MLPH: variants seen among roughly 807,000 people sequenced by gnomAD.
MLPH encodes exophilin-3.
MLPH carries 51 observed loss-of-function variants against 72.1 expected under a neutral mutation model. The observed-to-expected ratio is 0.71, with a 90% CI of 0.56 to 0.89. The LOEUF (loss-of-function observed/expected upper bound fraction) is 0.89. Ranked by LOEUF, MLPH falls within the 40% of genes least tolerant of loss-of-function variation. The pLI, the probability that MLPH is intolerant of heterozygous loss-of-function variation, is 0.00. For synonymous variants in MLPH, 301 were observed against 310.1 expected, an observed-to-expected ratio of 0.97 and a Z score of 0.31; for missense variants, 743 against 759.9, an observed-to-expected ratio of 0.98 and a Z score of 0.26.
rs577959709 is a variant in MLPH, at chr2:237,519,609, G to A, written c.556-301G>A. Among the ~76,000 whole-genome samples the A allele has an allele frequency of 5.9e-5, 9 of 152,242 alleles. 1 individual carries two copies. The South Asian group carries it at 6.2e-4, about 11-fold the overall frequency. ...GGAACAGCTTGCCTGCCCCCTAGGCGGGGTCCCTGGGGCAAGTGCAGGGGT... is the reference window on the plus strand; with the variant it reads ...GGAACAGCTTGCCTGCCCCCTAGGCAGGGTCCCTGGGGCAAGTGCAGGGGT... On this transcript the variant is annotated intron_variant, in intron 5 of 15. Transcript: ENST00000264605.
At chr2:237,517,503 A>T (rs1464694732) in intron 4 of MLPH, among the ~76,000 whole-genome samples, 3 of 148,894 alleles carry the variant, frequency 2.0e-5, no homozygotes, top group Non-Finnish European at 4.5e-5. Context: ...AGATGGATAG[A>T]TGTCTGAGTG....
chr2:237,499,742 C>T (rs2079607465), intron 2 of MLPH, among the ~76,000 whole-genome samples: 1 of 151,466 alleles, frequency 6.6e-6, no homozygotes. Flanking sequence ...TCCCATTTTA[C>T]TTTTTTTTTG....
chr2:237,510,459 C>CTG lies in MLPH; in HGVS notation c.111-105_111-104dup. The CTG allele has an allele frequency of 1.0e-6, 1 of 993,664 alleles. No individual in the cohort carries two copies. The highest frequency in any genetic ancestry group is 1.6e-6 in the Non-Finnish European group (1 of 640,062). The allele number at this position is 993,664 out of a possible 1,614,324, so 61.6% of individuals were successfully genotyped here. On this transcript the variant is annotated intron_variant, in intron 2 of 15. Transcript: ENST00000264605. This position sits in a 1 kb window ranked among gnomAD's most constrained non-coding sequence, Gnocchi z 4.4. The stretch of plus-strand genomic sequence containing the variant: ...CTGTTTTCTGCATAGGAGACAGTTA[C>CTG]TGTGTGTGTGTATGTGTCTGTGTCT...
chr2:237,501,768 G>C (rs1371343161), intron 2 of MLPH, among the ~76,000 whole-genome samples: 1 of 151,280 alleles, frequency 6.6e-6, no homozygotes, highest in Non-Finnish European at 1.5e-5. Flanking sequence ...AAAATTGCTT[G>C]AACCTGGGAG....
chr2:237,529,105 C>A (rs932985534), intron 8 of MLPH, among the ~76,000 whole-genome samples: 15 of 151,922 alleles, frequency 9.9e-5, no homozygotes, highest in African/African-American at 3.4e-4. Context: ...TTTAGTGGAG[C>A]AATCTCGGCT....
intron 8 of MLPH, among the ~76,000 whole-genome samples, chr2:237,533,221 G>C (rs112763472): frequency 3.3e-5 from 5 of 152,112 alleles, no homozygotes; most frequent in Admixed American, 2.0e-4. Flanking sequence ...GGGAGCTAGA[G>C]TTATCTTCAA....
chr2:237,502,644 G>A (rs181892342), intron 2 of MLPH, among the ~76,000 whole-genome samples: 10 of 152,224 alleles, frequency 6.6e-5, no homozygotes, highest in Admixed American at 3.9e-4. Context: ...AAGCCCAAAC[G>A]GAACACCCTG....
At chr2:237,522,964 CCTT>C (rs1344898287) in intron 6 of MLPH, among the ~76,000 whole-genome samples, 5 of 152,158 alleles carry the variant, frequency 3.3e-5, no homozygotes, top group Admixed American at 2.0e-4. Flanking sequence ...GAGTCCTACA[CCTT>C]CTCATCCAAT....
rs187307712 is a variant in MLPH at position 237,542,692 on chromosome 2, G to A, written c.1539+33G>A. 3.0e-4 allele frequency: 419 copies of A among 1,409,920 alleles called. 2 individuals carry two copies. The African/African-American group carries it at 4.1e-3, about 14-fold the overall frequency. The allele number at this position is 1,409,920 out of a possible 1,614,324, so 87.3% of individuals were successfully genotyped here. Reference sequence around the variant, plus strand: ...GGGGGCAGTGGTGAGTGGAGACAGTGCTGAGTGGGGGGGCAGTGGTGAGTG... The same window carrying A: ...GGGGGCAGTGGTGAGTGGAGACAGTACTGAGTGGGGGGGCAGTGGTGAGTG... On this transcript the variant is annotated intron_variant, in intron 12 of 15. Coordinates refer to ENST00000264605, the MANE Select transcript of MLPH (RefSeq NM_024101.7).
chr2:237,518,824 T>C (rs79240593), intron 5 of MLPH, among the ~76,000 whole-genome samples, 176 bp downstream of exon 5: 2,669 of 152,310 alleles, frequency 0.018, 50 homozygotes, highest in South Asian at 0.074. Flanking sequence ...TCTGAGATCA[T>C]TGGGCACCAG....
At chr2:237,525,909 T>A in intron 7 of MLPH, 104 bp downstream of exon 7, 1 of 1,124,914 alleles carries the variant, frequency 8.9e-7, no homozygotes, top group Non-Finnish European at 1.3e-6. Flanking sequence ...CGGGCTGATT[T>A]GAAAGGCCCC....
At chr2:237,527,254 T>C (rs1216874625) in intron 7 of MLPH, 123 bp from the exon 8 acceptor site, 13 of 1,241,706 alleles carry the variant, frequency 1.0e-5, no homozygotes, top group Non-Finnish European at 1.5e-5. Flanking sequence ...ACCTCAGCCC[T>C]GTAACATGAA....
At position 237,507,062 on chromosome 2, in the gene MLPH, C is replaced by CTTTTTTTTTTTTTTTT. The variant is rs61091364; in HGVS notation, c.111-3506_111-3491dup. 1.8e-3 allele frequency among the ~76,000 whole-genome samples: 172 copies of CTTTTTTTTTTTTTTTT among 94,514 alleles called. 9 individuals carry two copies. The Middle Eastern group carries it at 0.019, about 10-fold the overall frequency. 62.0% of individuals were successfully genotyped at this position (94,514 alleles called of 152,430 possible). On this transcript the variant is annotated intron_variant, in intron 2 of 15. Transcript: ENST00000264605. Reference sequence around the variant, plus strand: ...TTTTTTTCCTTTTTCTTTTTTTTTTCTTTTTTTTTTTTTTTTTTTTTGAGA... The same window carrying CTTTTTTTTTTTTTTTT: ...TTTTTTTCCTTTTTCTTTTTTTTTTCTTTTTTTTTTTTTTTTTTTTTTTTTTTTTTTTTTTTTGAGA...
At chr2:237,529,190 C>T (rs148907132) in intron 8 of MLPH, among the ~76,000 whole-genome samples, 1 of 151,776 alleles carries the variant, frequency 6.6e-6, no homozygotes, top group African/African-American at 2.4e-5. Flanking sequence ...TCACAGGCGC[C>T]CACCACCACG....
intron 9 of MLPH, among the ~76,000 whole-genome samples, chr2:237,538,360 G>A (rs369645971): frequency 3.9e-5 from 6 of 152,338 alleles, no homozygotes; most frequent in South Asian, 4.1e-4. Context: ...AGGGACAGAC[G>A]ACTGAGGTTT....
At position 237,487,434 on chromosome 2, in the gene MLPH, TC is replaced by T. The variant is rs576900759; in HGVS notation, c.-26del. ...GGGACTGAGCGTCCCCCGGAGAGGG[TC>T]CGGTGAGTGCACTGAGAAGAGGGAA... On this transcript the variant is annotated splice_region_variant and 5_prime_UTR_variant, in exon 1 of 16. Transcript: ENST00000264605. 1.3e-5 allele frequency: 2 copies of T among 152,622 alleles called. No homozygotes were observed. Among genetic ancestry groups the T allele is most frequent in the African/African-American group, 4.8e-5 (2 of 41,550 alleles). The allele number at this position is 152,622 out of a possible 1,614,324, so 9.5% of individuals were successfully genotyped here. A position where few individuals can be genotyped will look rare whatever the true frequency, so the allele number is the denominator to read the frequency against.
chr2:237,488,853 C>T (rs1474780807), intron 1 of MLPH, among the ~76,000 whole-genome samples: 2 of 152,174 alleles, frequency 1.3e-5, no homozygotes, highest in African/African-American at 4.8e-5. Flanking sequence ...GCAATAACGG[C>T]TCAAATAAGC....
intron 8 of MLPH, among the ~76,000 whole-genome samples, chr2:237,532,803 C>T (rs371325129): frequency 6.6e-6 from 1 of 152,188 alleles, no homozygotes; most frequent in Non-Finnish European, 1.5e-5. Context: ...TAGAAAAACC[C>T]GAAATCTTTT....
At chr2:237,534,138 A>G (rs1220038461) in intron 8 of MLPH, among the ~76,000 whole-genome samples, 1 of 152,216 alleles carries the variant, frequency 6.6e-6, no homozygotes, top group Non-Finnish European at 1.5e-5. Context: ...CTTGCCTCCT[A>G]GCCCACTAGT....
Sources: allele counts gnomAD v4.1 joint callset (sites outside exome capture counted in the v4.1 genomes callset), GRCh38; gene constraint gnomAD v4.1.1; non-coding constraint Gnocchi (gnomAD v3.1); transcripts MANE v1.5; gene names NCBI Gene and HGNC (gene_info 2026-07-23, HGNC 2026-07-21).